AMY2A: variants seen among roughly 807,000 people sequenced by gnomAD.
AMY2A encodes the protein pancreatic alpha-amylase.
In AMY2A, 16 loss-of-function variants were observed where a neutral mutation model predicts 43.0. That is an observed-to-expected ratio of 0.37 (90% CI 0.25 to 0.56). AMY2A has a LOEUF of 0.56. AMY2A is among the 20% of genes least tolerant of loss of function. The pLI is 0.77. For synonymous variants in AMY2A, 70 were observed against 144.6 expected (o/e 0.48, Z 3.70); for missense variants, 212 against 456.8 (o/e 0.46, Z 4.89).
In AMY2A at chr1:103,617,771, A is replaced by G. The variant is rs540212351; in HGVS notation, c.168+163A>G. Among the ~76,000 whole-genome samples, 3 of 150,740 alleles carry G rather than the reference A, an allele frequency of 2.0e-5. No homozygotes were observed. The South Asian group carries it at 6.3e-4, about 31-fold the overall frequency. The stretch of plus-strand genomic sequence containing the variant: ...TCTATGTAGTATTCTTGGCAACTTT[A>G]TATTTTGTTTCTGAGATAATCTTTC... On this transcript the variant is annotated intron_variant, in intron 1 of 9. Coordinates refer to ENST00000414303, the MANE Select transcript of AMY2A (RefSeq NM_000699.4).
At chr1:103,617,162 A>T, upstream of AMY2A, 5 of 971,908 alleles carry the variant, frequency 5.1e-6, no homozygotes. Context: ...GTTATGTGAG[A>T]ACATTAGGCC....
Position 103,617,939 on chromosome 1 carries a change from CTG to C in AMY2A, c.169-13_169-12del. On this transcript the variant is annotated splice_polypyrimidine_tract_variant and intron_variant, in intron 1 of 9. Coordinates refer to ENST00000414303, the MANE Select transcript of AMY2A (RefSeq NM_000699.4). Reference sequence around the variant, plus strand: ...AGACAGAATTTGGTACTTATGAAGACTGTTTAATTTGTAGGTCTCTCCACCAA... The same window carrying C: ...AGACAGAATTTGGTACTTATGAAGACTTTAATTTGTAGGTCTCTCCACCAA... 2.5e-6 allele frequency: 4 copies of C among 1,600,422 alleles called. No homozygotes were observed. Among genetic ancestry groups the C allele is most frequent in the South Asian group, 2.2e-5 (2 of 90,840 alleles).
intron 2 of AMY2A, 75 bp downstream of exon 2, chr1:103,618,175 C>T: frequency 6.6e-7 from 1 of 1,522,934 alleles, no homozygotes; most frequent in Non-Finnish European, 8.8e-7. Flanking sequence ...TGCTCCTTTT[C>T]AGCAGAAAAT....
chr1:103,617,005 A>G (rs1653094050), upstream of AMY2A: 1 of 1,037,290 alleles, frequency 9.6e-7, no homozygotes, highest in Admixed American at 5.1e-5. Context: ...GTTATCTACC[A>G]GAGCACCGTG....
chr1:103,617,088 T>C, upstream of AMY2A: 1 of 1,006,660 alleles, frequency 9.9e-7, no homozygotes, highest in Non-Finnish European at 1.3e-6. Flanking sequence ...TTAATTTATG[T>C]AAAGTTTTTT....
chr1:103,616,814 C>A, upstream of AMY2A: 2 of 208,362 alleles, frequency 9.6e-6, no homozygotes, highest in Non-Finnish European at 1.7e-5. Context: ...ACCAGTCTGG[C>A]TCGGTGAGTC....
At chr1:103,619,854 A>G (rs1653192903) in intron 4 of AMY2A, 70 bp downstream of exon 4, 2 of 1,586,602 alleles carry the variant, frequency 1.3e-6, no homozygotes, top group Non-Finnish European at 1.7e-6. Context: ...GATTTAATTA[A>G]AAATGCAATT....
intron 2 of AMY2A, 50 bp downstream of exon 2, chr1:103,618,150 C>A (rs202119016): frequency 2.5e-6 from 4 of 1,574,966 alleles, no homozygotes; most frequent in African/African-American, 2.7e-5. Context: ...AAAATGGTTT[C>A]TCTCTCTTCT....
At chr1:103,619,956 A>G in intron 4 of AMY2A, 172 bp downstream of exon 4, 2 of 1,378,432 alleles carry the variant, frequency 1.5e-6, no homozygotes, top group Non-Finnish European at 2.0e-6. Flanking sequence ...TTATCACAAC[A>G]TGTTTTATGG....
At chr1:103,616,878 T>C, upstream of AMY2A, 1 of 550,636 alleles carries the variant, frequency 1.8e-6, no homozygotes. Flanking sequence ...CAGGGCTGAG[T>C]GTTCTGGGAT....
At chr1:103,624,880 T>C (rs1282953677) in intron 9 of AMY2A, among the ~76,000 whole-genome samples, 4 of 131,104 alleles carry the variant, frequency 3.1e-5, no homozygotes, top group South Asian at 4.5e-4. Flanking sequence ...CAGAAGACCT[T>C]GGTGTAAACA....
chr1:103,617,671 T>C, intron 1 of AMY2A, 63 bp downstream of exon 1: 2 of 1,599,874 alleles, frequency 1.3e-6, no homozygotes, highest in East Asian at 2.2e-5. Flanking sequence ...AGTATTCTGA[T>C]CTTATCTGTG....
At chr1:103,618,769 A>G in intron 2 of AMY2A, 142 bp from the exon 3 acceptor site, 1 of 1,491,908 alleles carries the variant, frequency 6.7e-7, no homozygotes, top group Non-Finnish European at 9.1e-7. Context: ...TTCACAGTTG[A>G]TTTTTGATCT....
upstream of AMY2A, chr1:103,617,279 A>G (rs1208190963): frequency 1.4e-6 from 2 of 1,385,510 alleles, no homozygotes; most frequent in Non-Finnish European, 2.0e-6. Context: ...AGACTTTTTG[A>G]TGTTCTTTAC....
intron 2 of AMY2A, among the ~76,000 whole-genome samples, chr1:103,618,575 G>T (rs1653145539): frequency 6.6e-6 from 1 of 150,592 alleles, no homozygotes; most frequent in South Asian, 2.1e-4. Flanking sequence ...CTTTCTCCTG[G>T]TGACCCACTG....
chr1:103,617,625 G>A lies in AMY2A; in HGVS notation c.168+17G>A. ...GGGGTTCAGGTGGGTATGATTCATAGTATCAATTGCGGAATTCACTGTGCT... is the reference window on the plus strand; with the variant it reads ...GGGGTTCAGGTGGGTATGATTCATAATATCAATTGCGGAATTCACTGTGCT... On this transcript the variant is annotated intron_variant, in intron 1 of 9. Coordinates refer to ENST00000414303, the MANE Select transcript of AMY2A (RefSeq NM_000699.4). 6.2e-7 allele frequency: 1 copy of A among 1,601,012 alleles called. No individual in the cohort carries two copies. The highest frequency in any genetic ancestry group is 1.1e-5 in the South Asian group (1 of 90,860).
upstream of AMY2A, chr1:103,617,202 TA>T: frequency 8.8e-7 from 1 of 1,130,800 alleles, no homozygotes; most frequent in Non-Finnish European, 1.2e-6. Flanking sequence ...TAAGGAAAAA[TA>T]AAAGTGCTGC....
chr1:103,618,610 C>A (rs1464231063), intron 2 of AMY2A, among the ~76,000 whole-genome samples: 1 of 150,660 alleles, frequency 6.6e-6, no homozygotes, highest in Admixed American at 6.6e-5. Context: ...ATAACCTTTC[C>A]ACTCTCATCT....
chr1:103,619,053 A>G lies in AMY2A; in HGVS notation c.458A>G (p.Asp153Gly). 1 of 1,293,300 alleles carries G rather than the reference A, an allele frequency of 7.7e-7. No individual in the cohort carries two copies. Among genetic ancestry groups the G allele is most frequent in the Non-Finnish European group, 1.0e-6 (1 of 958,828 alleles). 80.1% of individuals were successfully genotyped at this position (1,293,300 alleles called of 1,614,324 possible). A position where few individuals can be genotyped will look rare whatever the true frequency, so the allele number is the denominator to read the frequency against. ...AVPYSGWDFN[D>G]GKCKTGSGDI... ...CCATATTCTGGATGGGATTTCAATG[A>G]TGGTAAATGTAAAACTGGAAGTGGA... Residue 153 changes from aspartate to glycine, a missense_variant, in exon 3 of 10, where the codon GAT becomes GGT. Asp to Gly is a moderately conservative substitution (Grantham distance 94). Transcript: ENST00000414303.
Sources: allele counts gnomAD v4.1 joint callset (sites outside exome capture counted in the v4.1 genomes callset), GRCh38; gene constraint gnomAD v4.1.1; transcripts MANE v1.5; gene names NCBI Gene and HGNC (gene_info 2026-07-23, HGNC 2026-07-21).